TLE3: variants seen among roughly 807,000 people sequenced by gnomAD.
The protein encoded by TLE3 is transducin-like enhancer protein 3.
A neutral mutation model predicts 93.0 loss-of-function variants in TLE3; 14 were observed. That is an observed-to-expected ratio of 0.15 (90% CI 0.10 to 0.24). The LOEUF (loss-of-function observed/expected upper bound fraction) is 0.24. TLE3 is among the 10% of genes least tolerant of loss of function. The pLI is 1.00. For synonymous variants in TLE3, 451 were observed against 425.0 expected, an observed-to-expected ratio of 1.06 and a Z score of -0.75; for missense variants, 693 against 1,046.6, an observed-to-expected ratio of 0.66 and a Z score of 4.66.
intron 5 of TLE3, 61 bp downstream of exon 5, chr15:70,076,035 C>A: frequency 6.6e-7 from 1 of 1,523,356 alleles, no homozygotes. Context: ...TCCAGTGAGA[C>A]CCCACCAGCC....
At chr15:70,050,457 AAC>A (rs2055418445) in intron 19 of TLE3, 5 of 416,610 alleles carry the variant, frequency 1.2e-5, no homozygotes, top group Middle Eastern at 1.4e-3. Flanking sequence ...AAAGCTCAGT[AAC>A]AGTCTCCCAC....
chr15:70,065,416 C>G (rs1456146326), intron 7 of TLE3, among the ~76,000 whole-genome samples: 1 of 152,220 alleles, frequency 6.6e-6, no homozygotes, highest in Non-Finnish European at 1.5e-5. Context: ...TATGTGATCT[C>G]TTGCTGGGGT....
chr15:70,061,565 C>T (rs953307181), intron 8 of TLE3, among the ~76,000 whole-genome samples: 5 of 152,102 alleles, frequency 3.3e-5, no homozygotes, highest in African/African-American at 1.2e-4. Context: ...CTGTTACCAC[C>T]GAGCTGGGGA....
chr15:70,057,421 G>A lies in TLE3; in HGVS notation c.1251+38C>T, dbSNP rs758669255. ...TCCAACCACTGGCTCCCCACACCACGCCCAGTCCCCAAGAAAGGAGCCAAA... is the reference window on the plus strand; with the variant it reads ...TCCAACCACTGGCTCCCCACACCACACCCAGTCCCCAAGAAAGGAGCCAAA... On this transcript the variant is annotated intron_variant, in intron 13 of 19. Coordinates refer to ENST00000451782, the MANE Select transcript of TLE3 (RefSeq NM_001105192.3). 3.5e-5 allele frequency: 54 copies of A among 1,549,588 alleles called. No homozygotes were observed. In the African/African-American group the frequency reaches 4.9e-4, roughly 14 times the overall value.
Position 70,054,422 on chromosome 15 carries a change from C to T in TLE3, c.1826+16G>A. ...TCCCCAGGACGAGGCACTAATGCTC[C>T]CTCCTGCCGGCTCACCTGACCAGGG... On this transcript the variant is annotated intron_variant, in intron 16 of 19. Transcript: ENST00000451782. The T allele has an allele frequency of 6.2e-7, 1 of 1,605,962 alleles. No homozygotes were observed. Among genetic ancestry groups the T allele is most frequent in the Non-Finnish European group, 8.5e-7 (1 of 1,174,198 alleles).
chr15:70,088,300 C>A (rs951915060), intron 4 of TLE3, among the ~76,000 whole-genome samples: 5 of 152,252 alleles, frequency 3.3e-5, no homozygotes, highest in Non-Finnish European at 1.5e-5. Context: ...AAGGACGATG[C>A]TTCAAAACAA....
At chr15:70,077,691 C>T (rs914531919) in intron 4 of TLE3, among the ~76,000 whole-genome samples, 3 of 152,346 alleles carry the variant, frequency 2.0e-5, no homozygotes, top group Non-Finnish European at 2.9e-5. Context: ...GGAGCCTGTC[C>T]GCTACAGTGG....
chr15:70,087,032 A>G lies in TLE3; in HGVS notation c.234+7500T>C, dbSNP rs908311893. ...CCTACAGGCCTCTGTCAGAAAACTA[A>G]GAAAGCTTCTATCCTTCCCAAAGAG... On this transcript the variant is annotated intron_variant, in intron 4 of 19. Coordinates refer to ENST00000451782, the MANE Select transcript of TLE3 (RefSeq NM_001105192.3). Among the ~76,000 whole-genome samples, 4 of 152,332 alleles carry G rather than the reference A, an allele frequency of 2.6e-5. No individual in the cohort carries two copies. The East Asian group carries it at 7.7e-4, about 29-fold the overall frequency.
intron 4 of TLE3, among the ~76,000 whole-genome samples, chr15:70,077,547 C>A (rs547644813): frequency 2.6e-5 from 4 of 152,222 alleles, no homozygotes; most frequent in Non-Finnish European, 2.9e-5. Context: ...CACCCTCCAC[C>A]CCCTCCACCC....
rs777599833 is a variant in TLE3 at position 70,060,562 on chromosome 15, T to C, written c.682A>G (p.Lys228Glu). Reference protein sequence around the residue: ...ADYSMEAKKRKAEEKDSLSRY... With the variant: ...ADYSMEAKKREAEEKDSLSRY... The stretch of plus-strand genomic sequence containing the variant: ...CTCAAGCTGTCCTTCTCCTCCGCCT[T>C]CCGCTTCTTGGCTTCCATGCTGTAG... The change falls in exon 9 of 20, where the codon AAG (lysine) becomes GAG (glutamate). Residue 228 changes from lysine (K) to glutamate (E), a missense_variant. Transcript: ENST00000451782. 1 of 1,613,948 alleles carries C rather than the reference T, an allele frequency of 6.2e-7. No individual in the cohort carries two copies. Among genetic ancestry groups the C allele is most frequent in the Non-Finnish European group, 8.5e-7 (1 of 1,179,872 alleles).
At chr15:70,075,468 C>T (rs1370981375) in intron 5 of TLE3, among the ~76,000 whole-genome samples, 1 of 152,190 alleles carries the variant, frequency 6.6e-6, no homozygotes, top group African/African-American at 2.4e-5. Context: ...ATCATTTACT[C>T]AGGTCACCAT....
At position 70,096,845 on chromosome 15, in the gene TLE3, C is replaced by T. The variant is rs200920112; in HGVS notation, c.-47G>A. The T allele has an allele frequency of 5.1e-5, 81 of 1,591,850 alleles. No individual in the cohort carries two copies. In the African/African-American group the frequency reaches 5.1e-4, roughly 10 times the overall value. ...CGAGAGCGTGGAAGCGCCGAGAGCCCGGGCCGGGGAGGTGCGGGGGAGGGG... is the reference window on the plus strand; with the variant it reads ...CGAGAGCGTGGAAGCGCCGAGAGCCTGGGCCGGGGAGGTGCGGGGGAGGGG... On this transcript the variant is annotated 5_prime_UTR_variant, in exon 1 of 20. Transcript: ENST00000451782.
rs1201003794 is a variant in TLE3, at chr15:70,094,595, G to A, written c.190-19C>T. On this transcript the variant is annotated intron_variant, in intron 3 of 19. Transcript: ENST00000451782. ...CATAGTACTAAAAGTAAAAAGAATG[G>A]CTATTAACAGACAACACAGAAATCT... The A allele has an allele frequency of 3.3e-6, 5 of 1,520,288 alleles. No homozygotes were observed. The highest frequency in any genetic ancestry group is 1.3e-5 in the South Asian group (1 of 79,434). The allele number at this position is 1,520,288 out of a possible 1,614,324, so 94.2% of individuals were successfully genotyped here. A position where few individuals can be genotyped will look rare whatever the true frequency, so the allele number is the denominator to read the frequency against.
At chr15:70,073,354 G>A (rs1308176381) in intron 6 of TLE3, among the ~76,000 whole-genome samples, 2 of 152,188 alleles carry the variant, frequency 1.3e-5, no homozygotes, top group Non-Finnish European at 2.9e-5. Flanking sequence ...CTCTGCCCCA[G>A]GCGGAAAAGT....
chr15:70,068,981 G>T (rs753592306), intron 6 of TLE3, among the ~76,000 whole-genome samples: 1 of 152,224 alleles, frequency 6.6e-6, no homozygotes, highest in Non-Finnish European at 1.5e-5. Context: ...TCTCTGTGTT[G>T]TGCCAGGATC....
chr15:70,077,984 C>CCATG (rs2057535437), intron 4 of TLE3, among the ~76,000 whole-genome samples: 1 of 152,204 alleles, frequency 6.6e-6, no homozygotes, highest in Non-Finnish European at 1.5e-5. Context: ...TTCTCAAACA[C>CCATG]CATGCTATTG....
intron 4 of TLE3, among the ~76,000 whole-genome samples, chr15:70,082,628 C>A (rs1183269143): frequency 2.0e-5 from 3 of 152,176 alleles, no homozygotes; most frequent in African/African-American, 4.8e-5. Context: ...TCCGAGGAAG[C>A]CTGCTGAATT....
Position 70,058,089 on chromosome 15 carries a change from T to C in TLE3, c.1051+70A>G. ...CTATCCCATGCGTGTGTGTCACCCC[T>C]GCCCTGGCCAAGAGCAGACCCCCTC... On this transcript the variant is annotated intron_variant, in intron 12 of 19. Transcript: ENST00000451782. This position sits in a 1 kb window ranked among gnomAD's most constrained non-coding sequence, Gnocchi z 4.1. 2 of 1,607,724 alleles carry C rather than the reference T, an allele frequency of 1.2e-6. No homozygotes were observed. The highest frequency in any genetic ancestry group is 2.2e-5 in the South Asian group (2 of 90,062).
chr15:70,097,185 TGGGGCGAGCTCGGGCCCCCTCCG>T lies in TLE3; in HGVS notation c.-410_-388del. The T allele has an allele frequency of 2.4e-6, 1 of 412,348 alleles. No homozygotes were observed. 25.5% of individuals were successfully genotyped at this position (412,348 alleles called of 1,614,324 possible). The stretch of plus-strand genomic sequence containing the variant: ...GGGTCCCGAGGCCGGGGGCCCCTCC[TGGGGCGAGCTCGGGCCCCCTCCG>T]GGTCACTCAGCGGGTCGCGCCTGTA... On this transcript the variant is annotated 5_prime_UTR_variant, in exon 1 of 20. Transcript: ENST00000451782.
Sources: gnomAD v4.1 joint callset for allele counts (sites outside exome capture counted in the v4.1 genomes callset) on GRCh38, gnomAD v4.1.1 for gene constraint, Gnocchi (gnomAD v3.1) non-coding constraint, MANE v1.5 for transcripts, NCBI Gene and HGNC (gene_info 2026-07-23, HGNC 2026-07-21) for gene names.